Variants in MYO5B observed in about 807,000 individuals in gnomAD.
MYO5B encodes the protein unconventional myosin-Vb.
MYO5B carries 143 observed loss-of-function variants against 229.3 expected under a neutral mutation model. The observed-to-expected ratio is 0.62, with a 90% CI of 0.54 to 0.72. The LOEUF (loss-of-function observed/expected upper bound fraction) is 0.72. Among genes scored for constraint, MYO5B ranks in the 30% least tolerant of loss-of-function variants. The pLI, the probability that MYO5B is intolerant of heterozygous loss-of-function variation, is 0.00. For synonymous variants in MYO5B, 918 were observed against 885.2 expected (o/e 1.04, Z -0.66); for missense variants, 2,321 against 2,331.0 (o/e 1.00, Z 0.09).
intron 1 of MYO5B, among the ~76,000 whole-genome samples, chr18:50,160,195 C>A (rs752160724): frequency 7.9e-5 from 12 of 152,208 alleles, no homozygotes; most frequent in Non-Finnish European, 1.5e-4. Context: ...CACCTATGAC[C>A]CTAACGTAGG....
intron 4 of MYO5B, among the ~76,000 whole-genome samples, chr18:50,017,089 T>C (rs1176920555): frequency 6.6e-6 from 1 of 152,152 alleles, no homozygotes; most frequent in East Asian, 1.9e-4. Context: ...TGTGGTCTTT[T>C]GTGACTAACT....
At chr18:50,040,507 G>A (rs778241968) in intron 2 of MYO5B, among the ~76,000 whole-genome samples, 193 bp from the exon 3 acceptor site, 5 of 152,170 alleles carry the variant, frequency 3.3e-5, no homozygotes, top group Non-Finnish European at 5.9e-5. Context: ...AAAATTTGCT[G>A]ATAACATAAC....
chr18:50,140,878 G>A (rs1459628621), intron 1 of MYO5B, among the ~76,000 whole-genome samples: 3 of 152,218 alleles, frequency 2.0e-5, no homozygotes, highest in African/African-American at 7.2e-5. Flanking sequence ...TACAGATGAA[G>A]ACCAGCCAAA....
At chr18:49,866,906 G>A (rs914916408) in intron 27 of MYO5B, among the ~76,000 whole-genome samples, 1 of 152,214 alleles carries the variant, frequency 6.6e-6, no homozygotes, top group Non-Finnish European at 1.5e-5. Context: ...GAGGGAACAG[G>A]TCTGACAGCT....
rs144870477 is a variant in MYO5B at position 49,921,026 on chromosome 18, T to C, written c.2090+8486A>G. Among the ~76,000 whole-genome samples, 6 of 152,320 alleles carry C rather than the reference T, an allele frequency of 3.9e-5. No homozygotes were observed. The East Asian group carries it at 1.2e-3, about 29-fold the overall frequency. Reference sequence around the variant, plus strand: ...TATTATTCTTCCTCTGTGGGATGTTTAATAGCAAGGGAAGTAACTGTGCGT... The same window carrying C: ...TATTATTCTTCCTCTGTGGGATGTTCAATAGCAAGGGAAGTAACTGTGCGT... On this transcript the variant is annotated intron_variant, in intron 17 of 39. Transcript: ENST00000285039.
chr18:50,131,959 C>T (rs547625253), intron 1 of MYO5B, among the ~76,000 whole-genome samples: 1 of 152,302 alleles, frequency 6.6e-6, no homozygotes, highest in East Asian at 1.9e-4. Flanking sequence ...GAACATTTAT[C>T]ATTTCTGTAC....
rs1325748530 is a variant in MYO5B at position 50,111,485 on chromosome 18, C to CTTTG, written c.28-56108_28-56107insCAAA. Among the ~76,000 whole-genome samples the CTTTG allele has an allele frequency of 5.4e-3, 821 of 152,278 alleles. 2 individuals are homozygous for CTTTG. The highest frequency in any genetic ancestry group is 0.019 in the African/African-American group (793 of 41,556). On this transcript the variant is annotated intron_variant, in intron 1 of 39. Coordinates refer to ENST00000285039, the MANE Select transcript of MYO5B (RefSeq NM_001080467.3). ...CTCATTCTCTTTGAAAGTTCTGGGG[C>CTTTG]AAATTCTCCAGATTGTATCTCTCAT...
At chr18:50,190,026 C>T (rs1224062010) in intron 1 of MYO5B, among the ~76,000 whole-genome samples, 1 of 152,038 alleles carries the variant, frequency 6.6e-6, no homozygotes, top group African/African-American at 2.4e-5. Context: ...CAATTAGAAG[C>T]CAAGCAGGAA....
intron 16 of MYO5B, 31 bp from the exon 17 acceptor site, chr18:49,929,629 A>G (rs534266803): frequency 2.0e-6 from 3 of 1,530,078 alleles, no homozygotes; most frequent in African/African-American, 2.7e-5. Flanking sequence ...AAAAAAAAGC[A>G]AGACAAGAGA....
Position 50,040,298 on chromosome 18 carries a change from A to G in MYO5B, c.155T>C (p.Ile52Thr), listed in dbSNP as rs1358247866. ...GGGCAGCTGGTTGCGTTGTACATCA[A>G]TTGGGTATTCCAGAATCTAAAGACA... The part of the protein sequence containing the change: ...LEDETILEYP[I>T]DVQRNQLPFL... The change falls in exon 3 of 40, where the codon ATT (isoleucine) becomes ACT (threonine). Residue 52 changes from isoleucine (I) to threonine (T), a missense_variant. Coordinates refer to ENST00000285039, the MANE Select transcript of MYO5B (RefSeq NM_001080467.3). 3.1e-6 allele frequency: 5 copies of G among 1,614,066 alleles called. No homozygotes were observed. In the African/African-American group the frequency reaches 4.0e-5, roughly 13 times the overall value.
At chr18:49,986,489 TGGA>T (rs1295430445) in intron 7 of MYO5B, among the ~76,000 whole-genome samples, 2 of 152,214 alleles carry the variant, frequency 1.3e-5, no homozygotes, top group African/African-American at 4.8e-5. Flanking sequence ...GAAGGTTTCC[TGGA>T]GGAGTAACAA....
chr18:50,072,206 G>A (rs2030973135), intron 1 of MYO5B, among the ~76,000 whole-genome samples: 1 of 151,760 alleles, frequency 6.6e-6, no homozygotes, highest in Non-Finnish European at 1.5e-5. Context: ...GAGTATATAT[G>A]CAACTTACAT....
rs530612734 is a variant in MYO5B at position 50,117,501 on chromosome 18, C to T, written c.28-62123G>A. Among the ~76,000 whole-genome samples, 12 of 152,230 alleles carry T rather than the reference C, an allele frequency of 7.9e-5. No homozygotes were observed. In the East Asian group the frequency reaches 2.3e-3, roughly 29 times the overall value. ...AGTTTAGATTATATCTTTCTATATACCATATCATCGCCCCCTTTCTCCCTG... is the reference window on the plus strand; with the variant it reads ...AGTTTAGATTATATCTTTCTATATATCATATCATCGCCCCCTTTCTCCCTG... On this transcript the variant is annotated intron_variant, in intron 1 of 39. Coordinates refer to ENST00000285039, the MANE Select transcript of MYO5B (RefSeq NM_001080467.3).
chr18:49,889,823 A>T (rs572849904), intron 22 of MYO5B, among the ~76,000 whole-genome samples: 1 of 152,290 alleles, frequency 6.6e-6, no homozygotes, highest in South Asian at 2.1e-4. Flanking sequence ...ACAACCTATG[A>T]TCTAAAACCT....
chr18:49,999,829 G>C (rs879802892), intron 5 of MYO5B, among the ~76,000 whole-genome samples: 2 of 152,228 alleles, frequency 1.3e-5, no homozygotes, highest in Admixed American at 6.5e-5. Context: ...GAGTGGAGTA[G>C]AGCAATCTGT....
chr18:49,934,876 T>A (rs1285881998), intron 16 of MYO5B, among the ~76,000 whole-genome samples: 1 of 151,998 alleles, frequency 6.6e-6, no homozygotes, highest in Admixed American at 6.6e-5. Context: ...AGTCTGAGAG[T>A]CAAAATTGTC....
In MYO5B at chr18:50,079,829, C is replaced by A. The variant is rs148891838; in HGVS notation, c.28-24451G>T. Among the ~76,000 whole-genome samples the A allele has an allele frequency of 3.7e-4, 57 of 152,268 alleles. 2 individuals are homozygous for A. In the East Asian group the frequency reaches 0.011, roughly 28 times the overall value. ...CAGCTGGGCCGTCTCCAGTTGAATG[C>A]CTGCCTGCCTGCCCTCCTTAATTCT... is the stretch of plus-strand genomic sequence containing the variant. On this transcript the variant is annotated intron_variant, in intron 1 of 39. Transcript: ENST00000285039.
intron 21 of MYO5B, among the ~76,000 whole-genome samples, chr18:49,901,946 C>CCACA (rs2024846352): frequency 6.6e-6 from 1 of 152,218 alleles, no homozygotes; most frequent in Non-Finnish European, 1.5e-5. Flanking sequence ...GCCCCATACC[C>CCACA]CACACAGCAA....
chr18:49,992,515 C>A, intron 5 of MYO5B, 84 bp from the exon 6 acceptor site: 1 of 1,583,682 alleles, frequency 6.3e-7, no homozygotes. Context: ...CAGCATGTGT[C>A]CCCTTTCTCT....
Sources: gnomAD v4.1 joint callset for allele counts (sites outside exome capture counted in the v4.1 genomes callset) on GRCh38, gnomAD v4.1.1 for gene constraint, MANE v1.5 for transcripts, NCBI Gene and HGNC (gene_info 2026-07-23, HGNC 2026-07-21) for gene names.